The following PROSER1 variants were observed in gnomAD, a reference collection of about 807,000 sequenced individuals.
PROSER1 encodes the protein proline and serine-rich protein 1.
PROSER1 carries 36 observed loss-of-function variants against 71.8 expected under a neutral mutation model. That is an observed-to-expected ratio of 0.50 (90% CI 0.38 to 0.66). PROSER1 has a LOEUF of 0.66. Among genes scored for constraint, PROSER1 ranks in the 30% least tolerant of loss-of-function variants. The pLI is 0.00. For missense variants in PROSER1, 1,107 were observed against 1,135.0 expected (o/e 0.98, Z 0.35); for synonymous variants, 490 against 452.4 (o/e 1.08, Z -1.06).
chr13:39,028,494 T>C (rs1870655287), intron 4 of PROSER1, among the ~76,000 whole-genome samples, 174 bp from the exon 5 acceptor site: 1 of 152,168 alleles, frequency 6.6e-6, no homozygotes, highest in South Asian at 2.1e-4. Flanking sequence ...TATATAAATA[T>C]AATAACTTAG....
At chr13:39,034,891 T>C (rs1871026275) in intron 1 of PROSER1, among the ~76,000 whole-genome samples, 1 of 152,168 alleles carries the variant, frequency 6.6e-6, no homozygotes, top group Non-Finnish European at 1.5e-5. Flanking sequence ...CCTTTCCTTT[T>C]CGGAATCTAT....
intron 11 of PROSER1, 36 bp from the exon 12 acceptor site, chr13:39,012,269 A>G (rs777481558): frequency 2.5e-6 from 4 of 1,598,870 alleles, no homozygotes; most frequent in Non-Finnish European, 3.4e-6. Flanking sequence ...TTAACTGCAG[A>G]CAAGACATAA....
intron 10 of PROSER1, among the ~76,000 whole-genome samples, chr13:39,016,583 C>G (rs1203467977): frequency 6.6e-6 from 1 of 152,212 alleles, no homozygotes; most frequent in Non-Finnish European, 1.5e-5. Flanking sequence ...AACCTGATTA[C>G]TCCCTTCAAA....
At chr13:39,019,448 G>A (rs984007038) in intron 9 of PROSER1, among the ~76,000 whole-genome samples, 3 of 149,490 alleles carry the variant, frequency 2.0e-5, no homozygotes, top group East Asian at 3.9e-4. Flanking sequence ...CCTGGGAGGC[G>A]GAGGTTGTGG....
At chr13:39,020,078 TAA>T (rs34446921) in intron 9 of PROSER1, among the ~76,000 whole-genome samples, 107 of 137,636 alleles carry the variant, frequency 7.8e-4, no homozygotes, top group African/African-American at 2.2e-3. Context: ...TCAAGAGACT[TAA>T]AAAAAAAAAA....
Position 39,020,088 on chromosome 13 carries a change from A to G in PROSER1, c.730+2238T>C, listed in dbSNP as rs1870218867. 2.0e-5 allele frequency among the ~76,000 whole-genome samples: 3 copies of G among 151,648 alleles called. No homozygotes were observed. The South Asian group carries it at 6.2e-4, about 31-fold the overall frequency. On this transcript the variant is annotated intron_variant, in intron 9 of 12. Transcript: ENST00000352251. ...AAAACTCAAGAGACTTAAAAAAAAA[A>G]AAAAACTAGAGAGGGTAATTAGTAA...
chr13:39,018,494 AC>A (rs1870119888), intron 9 of PROSER1, among the ~76,000 whole-genome samples: 34 of 144,318 alleles, frequency 2.4e-4, no homozygotes, highest in South Asian at 6.7e-4. Flanking sequence ...ACACACACAC[AC>A]ACACACACAC....
intron 4 of PROSER1, among the ~76,000 whole-genome samples, chr13:39,028,626 A>G (rs1317368811): frequency 6.6e-6 from 1 of 152,152 alleles, no homozygotes; most frequent in Non-Finnish European, 1.5e-5. Flanking sequence ...GAACCAACCC[A>G]TGTGTTAAAT....
intron 9 of PROSER1, 112 bp from the exon 10 acceptor site, chr13:39,017,656 A>G (rs1032962168): frequency 1.6e-6 from 1 of 631,968 alleles, no homozygotes; most frequent in South Asian, 2.0e-5. Flanking sequence ...TTTATGGACT[A>G]TGTTAGGAAA....
In PROSER1 at chr13:39,010,153, G is replaced by T. The variant is rs1010046544; in HGVS notation, c.*1212C>A. 1.4e-5 allele frequency: 2 copies of T among 146,166 alleles called. No individual in the cohort carries two copies. Among genetic ancestry groups the T allele is most frequent in the Non-Finnish European group, 1.5e-5 (1 of 66,896 alleles). The allele number at this position is 146,166 out of a possible 1,614,324, so 9.1% of individuals were successfully genotyped here. A position where few individuals can be genotyped will look rare whatever the true frequency, so the allele number is the denominator to read the frequency against. On this transcript the variant is annotated 3_prime_UTR_variant, in exon 13 of 13. Coordinates refer to ENST00000352251, the MANE Select transcript of PROSER1 (RefSeq NM_025138.5). ...GCACTTAGTAAAACACAGAATATTT[G>T]TCATATCCATAGTTTATTTTAAAAA...
At position 39,026,377 on chromosome 13, in the gene PROSER1, C is replaced by G. The variant is rs142524450; in HGVS notation, c.380G>C (p.Gly127Ala). 18 of 1,605,948 alleles carry G rather than the reference C, an allele frequency of 1.1e-5. No individual in the cohort carries two copies. The East Asian group carries it at 3.4e-4, about 30-fold the overall frequency. ...CATAGCATGAGGAGCTTTGCAGCCC[C>G]CCTTGAAAGCCTGTAATATAAGAAA... ...CKRILEQAFK[G>A]GCKAPHAMIS... is the part of the protein sequence containing the mutation. Residue 127 changes from glycine to alanine, a missense_variant, in exon 6 of 13, where the codon GGG becomes GCG. Gly to Ala is a moderately conservative substitution (Grantham distance 60, BLOSUM62 0). Coordinates refer to ENST00000352251, the MANE Select transcript of PROSER1 (RefSeq NM_025138.5).
intron 10 of PROSER1, among the ~76,000 whole-genome samples, 193 bp downstream of exon 10, chr13:39,017,307 A>G (rs1404729850): frequency 6.6e-6 from 1 of 152,254 alleles, no homozygotes; most frequent in Non-Finnish European, 1.5e-5. Flanking sequence ...AAATTCAGTT[A>G]ACACGTGCAT....
chr13:39,013,903 A>G lies in PROSER1; in HGVS notation c.1349T>C (p.Ile450Thr). 1 of 1,614,212 alleles carries G rather than the reference A, an allele frequency of 6.2e-7. No homozygotes were observed. Among genetic ancestry groups the G allele is most frequent in the Non-Finnish European group, 8.5e-7 (1 of 1,180,028 alleles). Residue 450 changes from isoleucine (I) to threonine (T), a missense_variant, in exon 11 of 13, where the codon ATT (isoleucine) becomes ACT (threonine). By Grantham distance (89) the Ile-to-Thr change is moderately conservative (BLOSUM62 -1). Transcript: ENST00000352251. The part of the protein sequence containing the change: ...SQGLSNPTPV[I>T]AGGSTPSVAG... Reference sequence around the variant, plus strand: ...AACGCTGGGAGTAGAGCCACCAGCAATTACAGGAGTCGGGTTGGATAGGCC... The same window carrying G: ...AACGCTGGGAGTAGAGCCACCAGCAGTTACAGGAGTCGGGTTGGATAGGCC...
chr13:39,014,385 G>A lies in PROSER1; in HGVS notation c.867C>T (p.Val289=). 1 of 1,614,084 alleles carries A rather than the reference G, an allele frequency of 6.2e-7. No homozygotes were observed. The highest frequency in any genetic ancestry group is 8.5e-7 in the Non-Finnish European group (1 of 1,180,004). The change falls in exon 11 of 13, where the codon GTC becomes GTT. Residue 289 remains valine, a synonymous_variant. Transcript: ENST00000352251. ...AATPVPTASP[V]KAINHPSASA... ...ATGCTGATGGATGATTAATTGCCTTGACTGGGGATGCAGTAGGAACAGGAG... is the reference window on the plus strand; with the variant it reads ...ATGCTGATGGATGATTAATTGCCTTAACTGGGGATGCAGTAGGAACAGGAG...
intron 4 of PROSER1, 68 bp downstream of exon 4, chr13:39,029,213 A>T: frequency 1.2e-6 from 1 of 846,148 alleles, no homozygotes; most frequent in Non-Finnish European, 1.9e-6. Flanking sequence ...CACACTAATT[A>T]GACACTTAAA....
rs1870364953 is a variant in PROSER1, at chr13:39,022,998, TAATA to T, written c.643+50_643+53del. ...CATAGACCAGCATTTACTTTCAATT[TAATA>T]AATAAACAGCAAAAAAGAAAAACAA... is the stretch of plus-strand genomic sequence containing the variant. On this transcript the variant is annotated intron_variant, in intron 8 of 12. Transcript: ENST00000352251. The T allele has an allele frequency of 1.4e-5, 21 of 1,459,528 alleles. 1 individual carries two copies. In the South Asian group the frequency reaches 1.6e-4, roughly 11 times the overall value. 90.4% of individuals were successfully genotyped at this position (1,459,528 alleles called of 1,614,324 possible). A position where few individuals can be genotyped will look rare whatever the true frequency, so the allele number is the denominator to read the frequency against.
At chr13:39,032,197 G>C (rs2138134255) in intron 2 of PROSER1, among the ~76,000 whole-genome samples, 1 of 152,266 alleles carries the variant, frequency 6.6e-6, no homozygotes, top group South Asian at 2.1e-4. Flanking sequence ...CTTGAATCTG[G>C]AGGGCATAAA....
chr13:39,030,562 A>C (rs1870789584), intron 3 of PROSER1, among the ~76,000 whole-genome samples: 1 of 152,084 alleles, frequency 6.6e-6, no homozygotes, highest in African/African-American at 2.4e-5. Context: ...GTTAGGACTA[A>C]AGGAGCATAC....
chr13:39,013,936 G>A lies in PROSER1; in HGVS notation c.1316C>T (p.Thr439Ile). The A allele has an allele frequency of 6.2e-7, 1 of 1,614,188 alleles. No individual in the cohort carries two copies. Among genetic ancestry groups the A allele is most frequent in the South Asian group, 1.1e-5 (1 of 91,084 alleles). The change falls in exon 11 of 13, where the codon ACA becomes ATA. Residue 439 changes from threonine (T) to isoleucine (I), a missense_variant. Thr to Ile is a moderately conservative substitution (Grantham distance 89). Coordinates refer to ENST00000352251, the MANE Select transcript of PROSER1 (RefSeq NM_025138.5). The stretch of plus-strand genomic sequence containing the variant: ...AGTCGGGTTGGATAGGCCTTGGGAT[G>A]TTGGTGGTAAGGGCAAAGGGAGCCC... ...FAGLPLPLPPTSQGLSNPTPV... is the reference protein window; with the variant it reads ...FAGLPLPLPPISQGLSNPTPV...
Sources: allele counts gnomAD v4.1 joint callset (sites outside exome capture counted in the v4.1 genomes callset), GRCh38; gene constraint gnomAD v4.1.1; transcripts MANE v1.5; gene names NCBI Gene and HGNC (gene_info 2026-07-23, HGNC 2026-07-21).